Variants in FBXW10 observed in about 807,000 individuals in gnomAD.
The protein encoded by FBXW10 is F-box and WD repeat domain containing 10, also known as F-box/WD repeat-containing protein 10.
In FBXW10, 68 loss-of-function variants were observed where a neutral mutation model predicts 113.1. That is an observed-to-expected ratio of 0.60 (90% CI 0.49 to 0.74). FBXW10 has a LOEUF of 0.74. Ranked by LOEUF, FBXW10 falls within the 30% of genes least tolerant of loss-of-function variation. FBXW10 has a pLI of 0.00. For synonymous variants in FBXW10, 289 were observed against 481.6 expected, an observed-to-expected ratio of 0.60 and a Z score of 5.24; for missense variants, 753 against 1,284.5, an observed-to-expected ratio of 0.59 and a Z score of 6.32.
Position 18,750,105 on chromosome 17 carries a change from G to A in FBXW10, c.967G>A (p.Gly323Ser), listed in dbSNP as rs145368701. The A allele has an allele frequency of 2.7e-5, 43 of 1,610,974 alleles. No individual in the cohort carries two copies. In the African/African-American group the frequency reaches 4.0e-4, roughly 15 times the overall value. The change falls in exon 4 of 14, where the codon GGC becomes AGC. Residue 323 changes from glycine to serine, a missense_variant. Physicochemically the swap from Gly to Ser is moderately conservative, Grantham distance 56. Transcript: ENST00000395665. ...QQVKMDLSAH[G>S]FIQNQITFLQ... Reference sequence around the variant, plus strand: ...GGTCAAGATGGACTTGTCAGCGCACGGCTTCATTCAGAACCAGATTACCTT... The same window carrying A: ...GGTCAAGATGGACTTGTCAGCGCACAGCTTCATTCAGAACCAGATTACCTT...
At chr17:18,754,669 A>G (rs1421261277) in intron 5 of FBXW10, among the ~76,000 whole-genome samples, 3 of 151,844 alleles carry the variant, frequency 2.0e-5, no homozygotes, top group African/African-American at 7.3e-5. Context: ...CTGAGAGTCT[A>G]GTTCAGTCAT....
chr17:18,761,506 T>C (rs1389273615), intron 7 of FBXW10, among the ~76,000 whole-genome samples: 1 of 152,050 alleles, frequency 6.6e-6, no homozygotes, highest in Non-Finnish European at 1.5e-5. Context: ...ACCTCGTGAT[T>C]CGCCCGCCTC....
At chr17:18,745,074 T>G (rs1443341407) in intron 1 of FBXW10, 8 of 1,255,720 alleles carry the variant, frequency 6.4e-6, no homozygotes, top group Non-Finnish European at 8.1e-6. Context: ...AATGCTGGTG[T>G]CGTTCCTGCT....
Position 18,750,963 on chromosome 17 carries a change from T to C in FBXW10, c.1032T>C (p.Tyr344=), listed in dbSNP as rs372134223. Reference sequence around the variant, plus strand: ...ACACAAGAGGAATTGATCCTAATTATGCCAATAAGGTTTCTATCCCAGTTC... The same window carrying C: ...ACACAAGAGGAATTGATCCTAATTACGCCAATAAGGTTTCTATCCCAGTTC... ...GSYTRGIDPN[Y]ANKVSIPVPK... Residue 344 remains tyrosine, a synonymous_variant, in exon 5 of 14, where the codon TAT becomes TAC. Transcript: ENST00000395665. 6.8e-6 allele frequency: 11 copies of C among 1,614,028 alleles called. No homozygotes were observed. Among genetic ancestry groups the C allele is most frequent in the Non-Finnish European group, 9.3e-6 (11 of 1,179,984 alleles).
At chr17:18,765,159 G>A (rs1324904414) in intron 8 of FBXW10, among the ~76,000 whole-genome samples, 3 of 152,120 alleles carry the variant, frequency 2.0e-5, no homozygotes, top group Non-Finnish European at 4.4e-5. Context: ...AGGGCTCATT[G>A]TCTCCTAATG....
intron 6 of FBXW10, among the ~76,000 whole-genome samples, chr17:18,758,075 T>G (rs1040504520): frequency 2.1e-4 from 32 of 152,228 alleles, no homozygotes; most frequent in African/African-American, 7.0e-4. Context: ...AAAAATTGCC[T>G]TGTGTCTCTA....
intron 10 of FBXW10, among the ~76,000 whole-genome samples, chr17:18,769,263 C>T (rs2035562979): frequency 6.6e-6 from 1 of 151,954 alleles, no homozygotes. Flanking sequence ...AGAATCAAAA[C>T]ATTAAATAAT....
intron 7 of FBXW10, among the ~76,000 whole-genome samples, chr17:18,761,251 TTC>T (rs2035376709): frequency 1.3e-5 from 2 of 151,912 alleles, no homozygotes; most frequent in African/African-American, 4.8e-5. Context: ...GGGAGGGAAA[TTC>T]TACTTTTCAC....
Position 18,768,687 on chromosome 17 carries a change from G to A in FBXW10, c.1847+11G>A, listed in dbSNP as rs766775413. 6.2e-7 allele frequency: 1 copy of A among 1,613,610 alleles called. No homozygotes were observed. The highest frequency in any genetic ancestry group is 1.7e-5 in the Admixed American group (1 of 59,980). ...CTTCAAGCATCCCAAGTAGGTGCCT[G>A]TGAAGCCCGGAGCGATGAACCTGGT... On this transcript the variant is annotated intron_variant, in intron 10 of 13. Transcript: ENST00000395665.
intron 6 of FBXW10, among the ~76,000 whole-genome samples, chr17:18,757,075 C>T (rs1188276569): frequency 2.8e-5 from 4 of 141,296 alleles, no homozygotes; most frequent in African/African-American, 1.1e-4. Context: ...TACACACACA[C>T]ATATATATAT....
At position 18,747,942 on chromosome 17, in the gene FBXW10, G is replaced by A. The variant is rs1286760960; in HGVS notation, c.507G>A (p.Gly169=). 4 of 1,613,776 alleles carry A rather than the reference G, an allele frequency of 2.5e-6. No homozygotes were observed. Among genetic ancestry groups the A allele is most frequent in the Admixed American group, 1.7e-5 (1 of 60,004 alleles). Residue 169 remains glycine, a splice_region_variant and synonymous_variant, in exon 2 of 14, where the codon GGG becomes GGA. Transcript: ENST00000395665. ...LFLREENNIS[G]LNQDITDVCF... The stretch of plus-strand genomic sequence containing the variant: ...TTGTCTTGGTCTTCTGTGTTTCAGG[G>A]CTCAATCAAGACATCACAGATGTGT...
At chr17:18,765,704 T>C (rs1472010723) in intron 8 of FBXW10, among the ~76,000 whole-genome samples, 1 of 152,108 alleles carries the variant, frequency 6.6e-6, no homozygotes, top group Non-Finnish European at 1.5e-5. Context: ...TTTTCATTCC[T>C]GAATTCATAG....
At position 18,772,739 on chromosome 17, in the gene FBXW10, T is replaced by C. The variant is rs574791808; in HGVS notation, c.2278+56T>C. The C allele has an allele frequency of 2.7e-6, 4 of 1,495,598 alleles. No homozygotes were observed. In the African/African-American group the frequency reaches 5.6e-5, roughly 21 times the overall value. 92.6% of individuals were successfully genotyped at this position (1,495,598 alleles called of 1,614,324 possible). Reference sequence around the variant, plus strand: ...GATAACCCACAGAGCAGGTCGGGGTTTGGTGGGGGTGGTGGGAGACGGGGA... The same window carrying C: ...GATAACCCACAGAGCAGGTCGGGGTCTGGTGGGGGTGGTGGGAGACGGGGA... On this transcript the variant is annotated intron_variant, in intron 12 of 13. Coordinates refer to ENST00000395665, the MANE Select transcript of FBXW10 (RefSeq NM_001267585.2).
Position 18,769,981 on chromosome 17 carries a change from T to C in FBXW10, c.1902T>C (p.Asp634=). Residue 634 remains aspartate, a synonymous_variant, in exon 11 of 14, where the codon GAT becomes GAC. Coordinates refer to ENST00000395665, the MANE Select transcript of FBXW10 (RefSeq NM_001267585.2). ...LFLRVISACA[D]GKIRIYNFLN... ...TCCGGGTCATCAGCGCCTGTGCAGATGGCAAGATCCGAATTTACAATTTCC... is the reference window on the plus strand; with the variant it reads ...TCCGGGTCATCAGCGCCTGTGCAGACGGCAAGATCCGAATTTACAATTTCC... 2.5e-6 allele frequency: 4 copies of C among 1,614,186 alleles called. No individual in the cohort carries two copies. The highest frequency in any genetic ancestry group is 3.4e-6 in the Non-Finnish European group (4 of 1,180,026).
chr17:18,768,026 T>TCTTCCTTCCTTCCTTCCTTC (rs72275127), intron 9 of FBXW10, among the ~76,000 whole-genome samples: 7,210 of 135,616 alleles, frequency 0.053, 287 homozygotes, highest in Middle Eastern at 0.074. Flanking sequence ...TTCCTTCCTT[T>TCTTCCTTCCTTCCTTCCTTC]CTTCCTTCCT....
chr17:18,775,259 A>C lies in FBXW10; in HGVS notation c.2335+67A>C, dbSNP rs186216599. 1.6e-3 allele frequency: 1,692 copies of C among 1,056,646 alleles called. 1 individual carries two copies. The highest frequency in any genetic ancestry group is 1.9e-3 in the Non-Finnish European group (1,297 of 677,534). The allele number at this position is 1,056,646 out of a possible 1,614,324, so 65.5% of individuals were successfully genotyped here. A position where few individuals can be genotyped will look rare whatever the true frequency, so the allele number is the denominator to read the frequency against. ...ACGGATGGTGGGCAGGAGAATTTGG[A>C]AGCAAAATCCACAGCAGGAGATAAG... On this transcript the variant is annotated intron_variant, in intron 13 of 13. Coordinates refer to ENST00000395665, the MANE Select transcript of FBXW10 (RefSeq NM_001267585.2).
At chr17:18,778,032 C>T (rs1434490921) in intron 13 of FBXW10, among the ~76,000 whole-genome samples, 3 of 151,290 alleles carry the variant, frequency 2.0e-5, no homozygotes, top group Non-Finnish European at 4.4e-5. Context: ...GGGTGGATCA[C>T]GAGGTCAGGA....
At position 18,744,265 on chromosome 17, in the gene FBXW10, G is replaced by C; in HGVS notation, c.21G>C (p.Arg7Ser). The part of the protein sequence containing the change: MENLES[R>S]LKNAPYFRCE... ...GGATCATGGAAAACCTGGAATCAAG[G>C]CTCAAGAATGCCCCCTATTTTCGTT... Residue 7 changes from arginine (R) to serine (S), a missense_variant, in exon 1 of 14, where the codon AGG (arginine) becomes AGC (serine). Arg to Ser is a moderately radical substitution (Grantham distance 110). Coordinates refer to ENST00000395665, the MANE Select transcript of FBXW10 (RefSeq NM_001267585.2). 6.3e-7 allele frequency: 1 copy of C among 1,591,160 alleles called. No individual in the cohort carries two copies. The highest frequency in any genetic ancestry group is 1.1e-5 in the South Asian group (1 of 87,738).
intron 11 of FBXW10, 31 bp from the exon 12 acceptor site, chr17:18,772,381 T>C: frequency 6.2e-7 from 1 of 1,601,896 alleles, no homozygotes; most frequent in Non-Finnish European, 8.5e-7. Context: ...CCACAGTCCT[T>C]TTGTGGACAA....
Sources: gnomAD v4.1 joint callset for allele counts (sites outside exome capture counted in the v4.1 genomes callset) on GRCh38, gnomAD v4.1.1 for gene constraint, MANE v1.5 for transcripts, NCBI Gene and HGNC (gene_info 2026-07-23, HGNC 2026-07-21) for gene names.